Variants in PCM1 observed in about 807,000 individuals in gnomAD.
PCM1 encodes the protein pericentriolar material 1.
In PCM1, 157 loss-of-function variants were observed where a neutral mutation model predicts 241.9. The observed-to-expected ratio is 0.65, with a 90% confidence interval of 0.57 to 0.74. The LOEUF (loss-of-function observed/expected upper bound fraction) is 0.74. Among genes scored for constraint, PCM1 ranks in the 30% least tolerant of loss-of-function variants. The pLI is 0.00. For synonymous variants in PCM1, 1,085 were observed against 784.9 expected (o/e 1.38, Z -6.39); for missense variants, 3,478 against 2,360.1 (o/e 1.47, Z -9.81).
intron 28 of PCM1, among the ~76,000 whole-genome samples, chr8:17,993,005 T>C (rs2085325534): frequency 6.6e-6 from 1 of 151,232 alleles, no homozygotes; most frequent in African/African-American, 2.4e-5. Flanking sequence ...CTTTGTCAGA[T>C]GCGTAGTTTA....
chr8:18,003,799 A>C (rs1334762995), intron 29 of PCM1, among the ~76,000 whole-genome samples: 2 of 152,110 alleles, frequency 1.3e-5, no homozygotes, highest in African/African-American at 4.8e-5. Flanking sequence ...TATACTTATA[A>C]ATTTTAAGAA....
Position 17,991,688 on chromosome 8 carries a change from A to G in PCM1, c.4678A>G (p.Asn1560Asp). The change falls in exon 28 of 39, where the codon AAT becomes GAT. Residue 1560 changes from asparagine to aspartate, a missense_variant. Physicochemically the swap from Asn to Asp is conservative, Grantham distance 23. Coordinates refer to ENST00000325083, the MANE Select transcript of PCM1 (RefSeq NM_006197.4). ...TGGTGCTGGTGCAGGTACTACAGTT[A>G]ATAATTTAGAAGGTATATATTTTTG... ...GDGAGAGTTV[N>D]NLEETPVIEN... The G allele has an allele frequency of 6.5e-7, 1 of 1,549,102 alleles. No individual in the cohort carries two copies. Among genetic ancestry groups the G allele is most frequent in the Non-Finnish European group, 8.7e-7 (1 of 1,146,260 alleles).
chr8:17,956,844 C>G, intron 11 of PCM1, 67 bp downstream of exon 11: 1 of 1,227,306 alleles, frequency 8.1e-7, no homozygotes. Flanking sequence ...AATGTGGGAA[C>G]AAAAATACTT....
chr8:17,973,819 T>C (rs117982772), intron 23 of PCM1, among the ~76,000 whole-genome samples: 2,579 of 152,244 alleles, frequency 0.017, 41 homozygotes, highest in South Asian at 0.044. Context: ...TTCTTGGAAG[T>C]TCACAACACA....
At chr8:17,986,693 TGAG>T (rs1251654049) in intron 26 of PCM1, among the ~76,000 whole-genome samples, 1 of 151,742 alleles carries the variant, frequency 6.6e-6, no homozygotes, top group Non-Finnish European at 1.5e-5. Flanking sequence ...GCTAGTATAT[TGAG>T]GAGATAATGT....
Position 18,025,979 on chromosome 8 carries a change from A to C in PCM1, c.6049+321A>C, listed in dbSNP as rs6980773. 1.5e-3 allele frequency among the ~76,000 whole-genome samples: 226 copies of C among 151,708 alleles called. 2 individuals are homozygous for C. The highest frequency in any genetic ancestry group is 1.2e-3 in the Non-Finnish European group (82 of 67,928). On this transcript the variant is annotated intron_variant, in intron 38 of 38. Coordinates refer to ENST00000325083, the MANE Select transcript of PCM1 (RefSeq NM_006197.4). Reference sequence around the variant, plus strand: ...GGAGATGGAGACCATCCTGGCTAACATGGTGAAACCCCGTCTCTACTAAAA... The same window carrying C: ...GGAGATGGAGACCATCCTGGCTAACCTGGTGAAACCCCGTCTCTACTAAAA...
rs7005390 is a variant in PCM1 at position 18,029,395 on chromosome 8, T to C, written c.*1733T>C. On this transcript the variant is annotated 3_prime_UTR_variant, in exon 39 of 39. Transcript: ENST00000325083. ...TCAGGGAAATTGGAACAATAAGTTA[T>C]GTTACATGCACACTCAAATTCTTTA... The C allele has an allele frequency of 0.048, 10,372 of 217,172 alleles. 1,108 individuals are homozygous for C. The highest frequency in any genetic ancestry group is 0.22 in the African/African-American group (9,687 of 44,394). The allele number at this position is 217,172 out of a possible 1,614,324, so 13.5% of individuals were successfully genotyped here. A position where few individuals can be genotyped will look rare whatever the true frequency, so the allele number is the denominator to read the frequency against.
chr8:17,956,955 A>G (rs935620461), intron 11 of PCM1, among the ~76,000 whole-genome samples, 178 bp downstream of exon 11: 2 of 152,236 alleles, frequency 1.3e-5, no homozygotes, highest in Admixed American at 6.5e-5. Context: ...GGAAGTATGG[A>G]GTACAATAGT....
At chr8:17,962,488 C>T (rs35195847) in intron 16 of PCM1, among the ~76,000 whole-genome samples, 29,523 of 151,950 alleles carry the variant, frequency 0.19, 3,213 homozygotes, top group East Asian at 0.38. Flanking sequence ...GGGGTAGTTG[C>T]AGCAAATAGT....
rs1057382011 is a variant in PCM1, at chr8:17,958,928, G to C, written c.2041-1086G>C. Among the ~76,000 whole-genome samples, 84 of 152,136 alleles carry C rather than the reference G, an allele frequency of 5.5e-4. 1 individual carries two copies. Among genetic ancestry groups the C allele is most frequent in the African/African-American group, 2.0e-3 (83 of 41,504 alleles). Reference sequence around the variant, plus strand: ...GTACAGATGGGGTTTCACCATATTGGCCAGGCTGGTCTTGAACTCCTGGCC... The same window carrying C: ...GTACAGATGGGGTTTCACCATATTGCCCAGGCTGGTCTTGAACTCCTGGCC... On this transcript the variant is annotated intron_variant, in intron 13 of 38. Transcript: ENST00000325083.
chr8:17,985,616 G>C lies in PCM1; in HGVS notation c.4278G>C (p.Leu1426Phe), dbSNP rs1370382788. ...DYLRQRALYALQDIVSRHISE... is the reference protein window; with the variant it reads ...DYLRQRALYAFQDIVSRHISE... ...TGAGACAGAGGGCTTTATATGCATTGCAGGTATCTGGTACCTAACATAATT... is the reference window on the plus strand; with the variant it reads ...TGAGACAGAGGGCTTTATATGCATTCCAGGTATCTGGTACCTAACATAATT... The change falls in exon 25 of 39, where the codon TTG becomes TTC. Residue 1426 changes from leucine to phenylalanine, a missense_variant. Leu to Phe is a conservative substitution (Grantham distance 22). Coordinates refer to ENST00000325083, the MANE Select transcript of PCM1 (RefSeq NM_006197.4). 1 of 1,601,252 alleles carries C rather than the reference G, an allele frequency of 6.2e-7. No individual in the cohort carries two copies. The highest frequency in any genetic ancestry group is 8.5e-7 in the Non-Finnish European group (1 of 1,172,444).
rs769449130 is a variant in PCM1 at position 17,950,702 on chromosome 8, A to G, written c.1049A>G (p.His350Arg). 1.2e-5 allele frequency: 19 copies of G among 1,591,064 alleles called. No homozygotes were observed. The highest frequency in any genetic ancestry group is 1.6e-5 in the Non-Finnish European group (19 of 1,164,490). ...TTGAATGACTTAATTCAGCGTTTTC[A>G]TAATCAGCTTCGTGATTCTCAGGTA... Reference protein sequence around the residue: ...EELNDLIQRFHNQLRDSQPPA... With the variant: ...EELNDLIQRFRNQLRDSQPPA... Residue 350 changes from histidine (H) to arginine (R), a missense_variant, in exon 8 of 39, where the codon CAT (histidine) becomes CGT (arginine). Coordinates refer to ENST00000325083, the MANE Select transcript of PCM1 (RefSeq NM_006197.4).
chr8:17,987,094 C>T (rs1010585633), intron 26 of PCM1, among the ~76,000 whole-genome samples: 2 of 151,828 alleles, frequency 1.3e-5, no homozygotes, highest in African/African-American at 4.8e-5. Context: ...ACTCTGACTC[C>T]TTTAGTACTA....
chr8:18,018,466 T>G (rs1196395360), intron 36 of PCM1, among the ~76,000 whole-genome samples: 1 of 152,192 alleles, frequency 6.6e-6, no homozygotes, highest in Non-Finnish European at 1.5e-5. Context: ...TCCAAGGGCT[T>G]TACCCAGTTA....
chr8:17,956,534 A>G, intron 10 of PCM1, 70 bp from the exon 11 acceptor site: 2 of 941,282 alleles, frequency 2.1e-6, no homozygotes, highest in Non-Finnish European at 3.2e-6. Context: ...CTGCTATGAT[A>G]TGAAAATAAT....
intron 13 of PCM1, among the ~76,000 whole-genome samples, chr8:17,959,137 G>T (rs547310715): frequency 6.6e-6 from 1 of 151,760 alleles, no homozygotes; most frequent in South Asian, 2.1e-4. Flanking sequence ...AATACATGAC[G>T]TTTTGTGGTA....
chr8:17,969,169 A>G (rs1343300583), intron 21 of PCM1, among the ~76,000 whole-genome samples: 1 of 152,170 alleles, frequency 6.6e-6, no homozygotes, highest in Non-Finnish European at 1.5e-5. Context: ...AGATCTAATC[A>G]TCTTTTTCAT....
intron 2 of PCM1, among the ~76,000 whole-genome samples, chr8:17,932,445 A>C (rs1434828397): frequency 1.3e-5 from 2 of 152,130 alleles, no homozygotes; most frequent in Admixed American, 1.3e-4. Context: ...GGATTAGATA[A>C]TATGTAATTT....
At chr8:17,993,001 C>T (rs2085322969) in intron 28 of PCM1, among the ~76,000 whole-genome samples, 1 of 140,942 alleles carries the variant, frequency 7.1e-6, no homozygotes, top group Non-Finnish European at 1.5e-5. Flanking sequence ...AGTCCTTTGT[C>T]AGATGCGTAG....
Sources: gnomAD v4.1 joint callset for allele counts (sites outside exome capture counted in the v4.1 genomes callset) on GRCh38, gnomAD v4.1.1 for gene constraint, MANE v1.5 for transcripts, NCBI Gene and HGNC (gene_info 2026-07-23, HGNC 2026-07-21) for gene names.